KRT10: variants seen among roughly 807,000 people sequenced by gnomAD.
The protein encoded by KRT10 is keratin, type I cytoskeletal 10.
In KRT10, 40 loss-of-function variants were observed where a neutral mutation model predicts 59.2. That is an observed-to-expected ratio of 0.68 (90% CI 0.52 to 0.88). The LOEUF (loss-of-function observed/expected upper bound fraction) is 0.88, where lower values mean the gene tolerates loss of function less well. KRT10 is among the 40% of genes least tolerant of loss of function. The probability of loss-of-function intolerance (pLI) is 0.00; values close to 1 mark genes in which losing one functional copy is unlikely to be tolerated. For synonymous variants in KRT10, 336 were observed against 310.7 expected (o/e 1.08, Z -0.86); for missense variants, 719 against 749.1 (o/e 0.96, Z 0.47).
In KRT10 at chr17:40,819,159, G is replaced by T. The variant is rs1392085498; in HGVS notation, c.1376C>A (p.Ser459Tyr). The stretch of plus-strand genomic sequence containing the variant: ...TCCGCCGCCGCGTCCGCCGCCTCCG[G>T]AACTAAACGGGGTGAGGTCACATTC... ...YRSLLEGEGS[S>Y]GGGGRGGGSF... The change falls in exon 7 of 8, where the codon TCC (serine) becomes TAC (tyrosine). Residue 459 changes from serine to tyrosine, a missense_variant and splice_region_variant. Ser to Tyr is a moderately radical substitution (Grantham distance 144). This residue lies in a region of KRT10 where 315 missense variants were observed against 270.6 expected (regional missense o/e 1.16). Coordinates refer to ENST00000269576, the MANE Select transcript of KRT10 (RefSeq NM_000421.5). 6.4e-7 allele frequency: 1 copy of T among 1,568,612 alleles called. No individual in the cohort carries two copies. The highest frequency in any genetic ancestry group is 1.1e-5 in the South Asian group (1 of 88,126).
chr17:40,819,581 C>T lies in KRT10; in HGVS notation c.1309G>A (p.Asp437Asn), dbSNP rs778841680. 2 of 1,614,210 alleles carry T rather than the reference C, an allele frequency of 1.2e-6. No individual in the cohort carries two copies. Among genetic ancestry groups the T allele is most frequent in the South Asian group, 1.1e-5 (1 of 91,088 alleles). ...CQNTEYQQLL[D>N]IKIRLENEIQ... ...TCATTCTCCAGTCGGATCTTAATAT[C>T]CAGGAGTTGTTGGTATTCAGTATTC... Residue 437 changes from aspartate (D) to asparagine (N), a missense_variant, in exon 6 of 8, where the codon GAT becomes AAT. This residue lies in a region of KRT10 where 315 missense variants were observed against 270.6 expected (regional missense o/e 1.16). Coordinates refer to ENST00000269576, the MANE Select transcript of KRT10 (RefSeq NM_000421.5).
intron 6 of KRT10, 156 bp from the exon 7 acceptor site, chr17:40,819,317 AAGTTCACAGAAC>A (rs2143132620): frequency 6.9e-7 from 1 of 1,455,054 alleles, no homozygotes; most frequent in East Asian, 2.4e-5. Flanking sequence ...AAACAATGTT[AAGTTCACAGAAC>A]TCTTAAGAAT....
chr17:40,822,433 C>T lies in KRT10; in HGVS notation c.153G>A (p.Gly51=), dbSNP rs151143129. 1.9e-6 allele frequency: 3 copies of T among 1,613,778 alleles called. No homozygotes were observed. Among genetic ancestry groups the T allele is most frequent in the Non-Finnish European group, 2.5e-6 (3 of 1,179,902 alleles). Reference sequence around the variant, plus strand: ...CACGGCTAAAAGAGCCACCACTGAACCCCCCTGAGCTAAATCCTCCACCAA... The same window carrying T: ...CACGGCTAAAAGAGCCACCACTGAATCCCCCTGAGCTAAATCCTCCACCAA... ...GSLGGGFSSG[G]FSGGSFSRGS... is the part of the protein sequence containing the mutation. The change falls in exon 1 of 8, where the codon GGG becomes GGA. Residue 51 remains glycine (G), a synonymous_variant. Coordinates refer to ENST00000269576, the MANE Select transcript of KRT10 (RefSeq NM_000421.5).
chr17:40,818,375 T>C lies in KRT10; in HGVS notation c.*101A>G. The C allele has an allele frequency of 1.3e-6, 2 of 1,555,230 alleles. No homozygotes were observed. The highest frequency in any genetic ancestry group is 2.3e-5 in the South Asian group (2 of 88,244). The stretch of plus-strand genomic sequence containing the variant: ...GGGAGACTCTTTCCTCTTGATGCAG[T>C]TTAATAGTAGTGTTTCTTGGTTTCT... On this transcript the variant is annotated 3_prime_UTR_variant, in exon 8 of 8. Transcript: ENST00000269576.
rs1345459619 is a variant in KRT10 at position 40,819,579 on chromosome 17, A to G, written c.1311T>C (p.Asp437=). 6.2e-7 allele frequency: 1 copy of G among 1,614,226 alleles called. No homozygotes were observed. Residue 437 remains aspartate, a synonymous_variant, in exon 6 of 8, where the codon GAT becomes GAC. Coordinates refer to ENST00000269576, the MANE Select transcript of KRT10 (RefSeq NM_000421.5). Reference sequence around the variant, plus strand: ...TTTCATTCTCCAGTCGGATCTTAATATCCAGGAGTTGTTGGTATTCAGTAT... The same window carrying G: ...TTTCATTCTCCAGTCGGATCTTAATGTCCAGGAGTTGTTGGTATTCAGTAT... ...CQNTEYQQLL[D]IKIRLENEIQ...
In KRT10 at chr17:40,822,410, C is replaced by T. The variant is rs374581207; in HGVS notation, c.176G>A (p.Arg59His). The change falls in exon 1 of 8, where the codon CGT (arginine) becomes CAT (histidine). Residue 59 changes from arginine (R) to histidine (H), a missense_variant. Arg to His is a conservative substitution (Grantham distance 29). Transcript: ENST00000269576. ...AAAGCAGCCCCCACCAGAGCTCCCA[C>T]GGCTAAAAGAGCCACCACTGAACCC... ...SGGFSGGSFS[R>H]GSSGGGCFGG... 109 of 1,613,362 alleles carry T rather than the reference C, an allele frequency of 6.8e-5. No homozygotes were observed. Among genetic ancestry groups the T allele is most frequent in the Non-Finnish European group, 7.9e-5 (93 of 1,179,540 alleles).
Position 40,822,256 on chromosome 17 carries a change from G to A in KRT10, c.330C>T (p.Gly110=). 6.2e-7 allele frequency: 1 copy of A among 1,601,780 alleles called. No homozygotes were observed. Among genetic ancestry groups the A allele is most frequent in the Non-Finnish European group, 8.5e-7 (1 of 1,171,844 alleles). Residue 110 remains glycine (G), a synonymous_variant, in exon 1 of 8, where the codon GGC becomes GGT. Transcript: ENST00000269576. The part of the protein sequence containing the change: ...GIFGGGSFGG[G]SFGGGSFGGG... ...CACCAAAGCTGCCCCCACCAAAGCTGCCACCTCCGAAACTGCCCCCTCCAA... is the reference window on the plus strand; with the variant it reads ...CACCAAAGCTGCCCCCACCAAAGCTACCACCTCCGAAACTGCCCCCTCCAA...
In KRT10 at chr17:40,820,677, G is replaced by A; in HGVS notation, c.711-10C>T. On this transcript the variant is annotated splice_polypyrimidine_tract_variant and intron_variant, in intron 2 of 7. Coordinates refer to ENST00000269576, the MANE Select transcript of KRT10 (RefSeq NM_000421.5). ...TACCTCATTCTCATACCTGAAACAA[G>A]CATGATATCAATACTGGTTATAACT... 6.2e-7 allele frequency: 1 copy of A among 1,614,020 alleles called. No homozygotes were observed. Among genetic ancestry groups the A allele is most frequent in the African/African-American group, 1.3e-5 (1 of 75,042 alleles).
rs1425952924 is a variant in KRT10, at chr17:40,819,638, A to G, written c.1252T>C (p.Leu418=). 12 of 1,614,040 alleles carry G rather than the reference A, an allele frequency of 7.4e-6. No homozygotes were observed. The highest frequency in any genetic ancestry group is 1.0e-5 in the Non-Finnish European group (12 of 1,180,022). ...QAQISALEEQ[L]QQIRAETECQ... ...TCGGTTTCAGCTCGAATCTGTTGCA[A>G]CTGTTCTTCCAGAGCGGATATCTGG... The change falls in exon 6 of 8, where the codon TTG becomes CTG. Residue 418 remains leucine (L), a synonymous_variant. Transcript: ENST00000269576.
At chr17:40,821,211 C>G in intron 1 of KRT10, 94 bp from the exon 2 acceptor site, 1 of 917,894 alleles carries the variant, frequency 1.1e-6, no homozygotes, top group Non-Finnish European at 1.8e-6. Flanking sequence ...ATGTTGTTCT[C>G]TTACAAAATC....
In KRT10 at chr17:40,822,417, AAG is replaced by A; in HGVS notation, c.167_168del (p.Ser56PhefsTer2). 6.2e-7 allele frequency: 1 copy of A among 1,613,540 alleles called. No homozygotes were observed. The highest frequency in any genetic ancestry group is 8.5e-7 in the Non-Finnish European group (1 of 1,179,696). Reference sequence around the variant, plus strand: ...CCCCCACCAGAGCTCCCACGGCTAAAAGAGCCACCACTGAACCCCCCTGAGCT... The same window carrying A: ...CCCCCACCAGAGCTCCCACGGCTAAAAGCCACCACTGAACCCCCCTGAGCT... ...GFSSGGFSGG[S>X]FSRGSSGGGC... On this transcript the variant is annotated frameshift_variant, in exon 1 of 8. Transcript: ENST00000269576. LOFTEE classifies it high-confidence loss of function.
Position 40,820,293 on chromosome 17 carries a change from C to T in KRT10, c.998G>A (p.Arg333His), listed in dbSNP as rs1199075567. ...ATTGAACCAGGCTTCAGCATCTTTG[C>T]GGTTTTGTTCAGCAAGTTGTTCATA... ...SQYEQLAEQN[R>H]KDAEAWFNEK... The change falls in exon 4 of 8, where the codon CGC becomes CAC. Residue 333 changes from arginine to histidine, a missense_variant. This residue lies in a region of KRT10 where 221 missense variants were observed against 277.8 expected (regional missense o/e 0.80). Transcript: ENST00000269576. The T allele has an allele frequency of 4.5e-5, 72 of 1,614,044 alleles. No homozygotes were observed. The highest frequency in any genetic ancestry group is 5.8e-5 in the Non-Finnish European group (68 of 1,180,040).
rs373769724 is a variant in KRT10 at position 40,822,271 on chromosome 17, G to T, written c.315C>A (p.Gly105=). Residue 105 remains glycine (G), a synonymous_variant, in exon 1 of 8, where the codon GGC becomes GGA. Coordinates refer to ENST00000269576, the MANE Select transcript of KRT10 (RefSeq NM_000421.5). Reference sequence around the variant, plus strand: ...CACCAAAGCTGCCACCTCCGAAACTGCCCCCTCCAAAGATGCCTCCATAAC... The same window carrying T: ...CACCAAAGCTGCCACCTCCGAAACTTCCCCCTCCAAAGATGCCTCCATAAC... ...GGSYGGIFGG[G]SFGGGSFGGG... 52 of 1,594,078 alleles carry T rather than the reference G, an allele frequency of 3.3e-5. No individual in the cohort carries two copies. The highest frequency in any genetic ancestry group is 4.4e-5 in the Non-Finnish European group (51 of 1,169,084).
In KRT10 at chr17:40,819,069, C is replaced by T; in HGVS notation, c.1466G>A (p.Gly489Asp). The stretch of plus-strand genomic sequence containing the variant: ...GCCGCCGGAACTGCCGCCGTGGCCG[C>T]CGCCGTGGCCGCCGCCGGAGCTTCC... ...GGGSSGGGHG[G>D]GHGGSSGGGY... The change falls in exon 7 of 8, where the codon GGC becomes GAC. Residue 489 changes from glycine (G) to aspartate (D), a missense_variant. By Grantham distance (94) the Gly-to-Asp change is moderately conservative. Coordinates refer to ENST00000269576, the MANE Select transcript of KRT10 (RefSeq NM_000421.5). The T allele has an allele frequency of 7.5e-7, 1 of 1,339,842 alleles. No individual in the cohort carries two copies. 83.0% of individuals were successfully genotyped at this position (1,339,842 alleles called of 1,614,324 possible).
Position 40,820,464 on chromosome 17 carries a change from C to T in KRT10, c.868-41G>A, listed in dbSNP as rs1799915. 0.18 allele frequency: 296,918 copies of T among 1,613,990 alleles called. 29,062 individuals carry two copies. The highest frequency in any genetic ancestry group is 0.22 in the Middle Eastern group (1,353 of 6,062). ...AAAGATTTATTGGCTACACGAGGAC[C>T]ATAATGAACTCTCTTTTGGCTGGGA... On this transcript the variant is annotated intron_variant, in intron 3 of 7. Coordinates refer to ENST00000269576, the MANE Select transcript of KRT10 (RefSeq NM_000421.5).
In KRT10 at chr17:40,820,147, T is replaced by C; in HGVS notation, c.1057A>G (p.Asn353Asp). ...TAGCTGGATATCTGTTCAATGTTAT[T>C]ATCAATTTCTGTAGTCAGTTCCTTG... is the stretch of plus-strand genomic sequence containing the variant. ...KSKELTTEID[N>D]NIEQISSYKS... is the part of the protein sequence containing the mutation. Residue 353 changes from asparagine (N) to aspartate (D), a missense_variant, in exon 5 of 8, where the codon AAT becomes GAT. Asn to Asp is a conservative substitution (Grantham distance 23). Transcript: ENST00000269576. 6.2e-7 allele frequency: 1 copy of C among 1,613,992 alleles called. No homozygotes were observed. Among genetic ancestry groups the C allele is most frequent in the Non-Finnish European group, 8.5e-7 (1 of 1,179,862 alleles).
At chr17:40,821,187 C>T in intron 1 of KRT10, 70 bp from the exon 2 acceptor site, 1 of 1,073,614 alleles carries the variant, frequency 9.3e-7, no homozygotes, top group Non-Finnish European at 1.4e-6. Context: ...GACATAGATG[C>T]ACTCTGCACT....
Position 40,820,087 on chromosome 17 carries a change from G to C in KRT10, c.1117C>G (p.Gln373Glu). 1 of 1,613,348 alleles carries C rather than the reference G, an allele frequency of 6.2e-7. No homozygotes were observed. ...SEITELRRNV[Q>E]ALEIELQSQL... ...GACTGTAGTTCTATCTCCAGAGCTT[G>C]TACATTACGTCTCAATTCAGTAATC... Residue 373 changes from glutamine (Q) to glutamate (E), a missense_variant, in exon 5 of 8, where the codon CAA (glutamine) becomes GAA (glutamate). This residue lies in a region of KRT10 where 221 missense variants were observed against 277.8 expected (regional missense o/e 0.80). Transcript: ENST00000269576.
chr17:40,822,075 T>C lies in KRT10; in HGVS notation c.511A>G (p.Asn171Asp). 2 of 1,614,170 alleles carry C rather than the reference T, an allele frequency of 1.2e-6. No individual in the cohort carries two copies. The highest frequency in any genetic ancestry group is 8.5e-7 in the Non-Finnish European group (1 of 1,180,024). Residue 171 changes from asparagine (N) to aspartate (D), a missense_variant, in exon 1 of 8, where the codon AAC becomes GAC. By Grantham distance (23) the Asn-to-Asp change is conservative (BLOSUM62 1). Around this residue, in one of 4 missense-constraint regions of KRT10, gnomAD observed 221 missense variants for 277.8 expected, o/e 0.80. Coordinates refer to ENST00000269576, the MANE Select transcript of KRT10 (RefSeq NM_000421.5). ...TTGATTTTGCCTTCCAGCTCATAGT[T>C]TGATTCTTCCAGAGCCCGAACTTTG... Reference protein sequence around the residue: ...LDKVRALEESNYELEGKIKEW... With the variant: ...LDKVRALEESDYELEGKIKEW...
Sources: allele counts gnomAD v4.1 joint callset, GRCh38; gene constraint gnomAD v4.1.1; regional missense constraint gnomAD v4.1.1; transcripts MANE v1.5; gene names NCBI Gene and HGNC (gene_info 2026-07-23, HGNC 2026-07-21).